RTN1: variants seen among roughly 807,000 people sequenced by gnomAD.
RTN1 encodes the protein reticulon-1.
RTN1 carries 25 observed loss-of-function variants against 65.5 expected under a neutral mutation model. The ratio of observed to expected loss-of-function variants is 0.38; its 90% confidence interval spans 0.28 to 0.53. The LOEUF (loss-of-function observed/expected upper bound fraction) is 0.53. Among genes scored for constraint, RTN1 ranks in the 20% least tolerant of loss-of-function variants. The pLI, the probability that RTN1 is intolerant of heterozygous loss-of-function variation, is 0.79. For missense variants in RTN1, 983 were observed against 1,025.4 expected (o/e 0.96, Z 0.57); for synonymous variants, 471 against 447.6 (o/e 1.05, Z -0.66).
chr14:59,708,590 C>A (rs1884349949), intron 3 of RTN1, among the ~76,000 whole-genome samples: 1 of 152,216 alleles, frequency 6.6e-6, no homozygotes, highest in Non-Finnish European at 1.5e-5. Flanking sequence ...TATAGACTGG[C>A]ATGAGCTACC....
Position 59,596,727 on chromosome 14 carries a change from C to G in RTN1, c.*18G>C. ...CCAGACATTCCTGTTTGTGTCCAGT[C>G]CCCGGTGGGAAATCAGTTTACTCAG... On this transcript the variant is annotated 3_prime_UTR_variant, in exon 9 of 9. Coordinates refer to ENST00000267484, the MANE Select transcript of RTN1 (RefSeq NM_021136.3). 6.3e-7 allele frequency: 1 copy of G among 1,596,556 alleles called. No individual in the cohort carries two copies. The highest frequency in any genetic ancestry group is 2.2e-5 in the East Asian group (1 of 44,776).
chr14:59,809,682 C>T (rs142200617), intron 1 of RTN1, among the ~76,000 whole-genome samples: 244 of 152,188 alleles, frequency 1.6e-3, no homozygotes, highest in African/African-American at 5.5e-3. Context: ...AAGAGAGTCC[C>T]AAAGGCATTT....
At chr14:59,697,504 A>T (rs887215537) in intron 3 of RTN1, among the ~76,000 whole-genome samples, 1 of 152,186 alleles carries the variant, frequency 6.6e-6, no homozygotes, top group Non-Finnish European at 1.5e-5. Flanking sequence ...CATCACTGAT[A>T]TGTAGGAAGT....
intron 1 of RTN1, among the ~76,000 whole-genome samples, chr14:59,793,817 C>T (rs1416622827): frequency 3.3e-5 from 5 of 152,058 alleles, no homozygotes; most frequent in African/African-American, 1.2e-4. Context: ...CCCAAATCCC[C>T]AACTCATATA....
intron 3 of RTN1, among the ~76,000 whole-genome samples, chr14:59,611,686 G>C (rs1476304665): frequency 6.6e-6 from 1 of 152,198 alleles, no homozygotes; most frequent in African/African-American, 2.4e-5. Flanking sequence ...TTTCTAACTA[G>C]TATGAAGAGT....
rs1887872530 is a variant in RTN1 at position 59,870,270 on chromosome 14, T to G, written c.241+120A>C. ...CCAGTCGCCCGTGGCGACGCGGGGG[T>G]GGGGTCGGCGCTCAAGGCAGAAAGC... On this transcript the variant is annotated intron_variant, in intron 1 of 8. Coordinates refer to ENST00000267484, the MANE Select transcript of RTN1 (RefSeq NM_021136.3). The surrounding 1 kb of genome is among the most constrained non-coding windows in gnomAD (Gnocchi z 5.1). 7 of 991,812 alleles carry G rather than the reference T, an allele frequency of 7.1e-6. No individual in the cohort carries two copies. Among genetic ancestry groups the G allele is most frequent in the Non-Finnish European group, 7.9e-6 (6 of 755,762 alleles). The allele number at this position is 991,812 out of a possible 1,614,324, so 61.4% of individuals were successfully genotyped here. A position where few individuals can be genotyped will look rare whatever the true frequency, so the allele number is the denominator to read the frequency against.
At chr14:59,784,757 T>C (rs976594611) in intron 1 of RTN1, among the ~76,000 whole-genome samples, 1 of 152,228 alleles carries the variant, frequency 6.6e-6, no homozygotes, top group Non-Finnish European at 1.5e-5. Flanking sequence ...TGCAAATTCA[T>C]ATTTTATGTT....
intron 1 of RTN1, among the ~76,000 whole-genome samples, chr14:59,782,747 G>A (rs1445627011): frequency 2.0e-5 from 3 of 152,154 alleles, no homozygotes; most frequent in Non-Finnish European, 4.4e-5. Flanking sequence ...ATTGCTGCAA[G>A]AAAAGTAATG....
chr14:59,706,731 T>A (rs1315671520), intron 3 of RTN1, among the ~76,000 whole-genome samples: 1 of 152,232 alleles, frequency 6.6e-6, no homozygotes, highest in Non-Finnish European at 1.5e-5. Context: ...GGAATATTAG[T>A]AATCTCCGTG....
At chr14:59,600,274 G>T (rs933187521) in intron 8 of RTN1, among the ~76,000 whole-genome samples, 5 of 152,096 alleles carry the variant, frequency 3.3e-5, no homozygotes, top group African/African-American at 1.2e-4. Flanking sequence ...TGATGATGAT[G>T]ATGATGACAA....
At chr14:59,605,626 T>A in intron 4 of RTN1, 120 bp from the exon 5 acceptor site, 1 of 1,048,928 alleles carries the variant, frequency 9.5e-7, no homozygotes, top group Non-Finnish European at 1.4e-6. Context: ...AGGAGTCATC[T>A]CTGGGGGGTT....
intron 1 of RTN1, among the ~76,000 whole-genome samples, chr14:59,797,960 C>T (rs1217989527): frequency 2.0e-5 from 3 of 152,234 alleles, no homozygotes; most frequent in East Asian, 1.9e-4. Flanking sequence ...TATAATATCA[C>T]TTGAGGGGCT....
chr14:59,844,085 G>A (rs980600306), intron 1 of RTN1, among the ~76,000 whole-genome samples: 1 of 152,136 alleles, frequency 6.6e-6, no homozygotes, highest in African/African-American at 2.4e-5. Flanking sequence ...TAGCAATGGA[G>A]GAGTGAGTCC....
At chr14:59,670,902 C>T (rs1314226999) in intron 3 of RTN1, among the ~76,000 whole-genome samples, 3 of 152,132 alleles carry the variant, frequency 2.0e-5, no homozygotes, top group African/African-American at 7.2e-5. Flanking sequence ...AAAGCAATTC[C>T]CATTAAAATA....
In RTN1 at chr14:59,746,464, T is replaced by G. The variant is rs201516762; in HGVS notation, c.259A>C (p.Ser87Arg). The change falls in exon 2 of 9, where the codon AGT (serine) becomes CGT (arginine). Residue 87 changes from serine (S) to arginine (R), a missense_variant. Ser to Arg is a moderately radical substitution (Grantham distance 110, BLOSUM62 -1). Coordinates refer to ENST00000267484, the MANE Select transcript of RTN1 (RefSeq NM_021136.3). ...TASTGVAGVS[S>R]AMDHTFSTTS... is the part of the protein sequence containing the mutation. ...GTTGAGAAGGTGTGGTCCATGGCAC[T>G]GGAAACACCTGCCACACCTATGAAT... The G allele has an allele frequency of 6.3e-7, 1 of 1,588,182 alleles. No individual in the cohort carries two copies. Among genetic ancestry groups the G allele is most frequent in the Non-Finnish European group, 8.6e-7 (1 of 1,168,194 alleles).
chr14:59,661,291 T>C lies in RTN1; in HGVS notation c.1766-53799A>G, dbSNP rs1047931109. ...AAAAAAAAAAAAAAGCCCAGGACCA[T>C]AAGGATTCACAGCCGAATTCTATTC... On this transcript the variant is annotated intron_variant, in intron 3 of 8. Coordinates refer to ENST00000267484, the MANE Select transcript of RTN1 (RefSeq NM_021136.3). Among the ~76,000 whole-genome samples, 8 of 129,794 alleles carry C rather than the reference T, an allele frequency of 6.2e-5. No individual in the cohort carries two copies. The Admixed American group carries it at 6.5e-4, about 11-fold the overall frequency. The allele number at this position is 129,794 out of a possible 152,430, so 85.1% of individuals were successfully genotyped here.
intron 3 of RTN1, among the ~76,000 whole-genome samples, chr14:59,701,147 C>T (rs1043567530): frequency 6.6e-6 from 1 of 152,130 alleles, no homozygotes; most frequent in Non-Finnish European, 1.5e-5. Context: ...AAATGCAAAT[C>T]AAAACCACCA....
At chr14:59,759,039 T>A (rs1026637669) in intron 1 of RTN1, among the ~76,000 whole-genome samples, 2 of 152,184 alleles carry the variant, frequency 1.3e-5, no homozygotes, top group Non-Finnish European at 2.9e-5. Flanking sequence ...GGTTGCAGTA[T>A]CTGCTGATGG....
chr14:59,596,187 T>C lies in RTN1; in HGVS notation c.*558A>G, dbSNP rs1881389590. 1 of 152,662 alleles carries C rather than the reference T, an allele frequency of 6.6e-6. No homozygotes were observed. The highest frequency in any genetic ancestry group is 1.5e-5 in the Non-Finnish European group (1 of 68,054). 9.5% of individuals were successfully genotyped at this position (152,662 alleles called of 1,614,324 possible). A position where few individuals can be genotyped will look rare whatever the true frequency, so the allele number is the denominator to read the frequency against. The stretch of plus-strand genomic sequence containing the variant: ...AAGTACTGCATGTTTGTTTTGGATT[T>C]ATTCATTTATTTAATTATTTTAAGT... On this transcript the variant is annotated 3_prime_UTR_variant, in exon 9 of 9. Coordinates refer to ENST00000267484, the MANE Select transcript of RTN1 (RefSeq NM_021136.3).
Sources: allele counts gnomAD v4.1 joint callset (sites outside exome capture counted in the v4.1 genomes callset), GRCh38; gene constraint gnomAD v4.1.1; non-coding constraint Gnocchi (gnomAD v3.1); transcripts MANE v1.5; gene names NCBI Gene and HGNC (gene_info 2026-07-23, HGNC 2026-07-21).